RDH13: variants seen among roughly 807,000 people sequenced by gnomAD.
RDH13 encodes retinol dehydrogenase 13 (all-trans and 9-cis).
A neutral mutation model predicts 28.3 loss-of-function variants in RDH13; 35 were observed. That is an observed-to-expected ratio of 1.24 (90% CI 0.95 to 1.64). RDH13 has a LOEUF of 1.64. RDH13 is among the 40% of genes most tolerant of loss of function. The pLI, the probability that RDH13 is intolerant of heterozygous loss-of-function variation, is 0.00. For missense variants in RDH13, 514 were observed against 446.3 expected (o/e 1.15, Z -1.37); for synonymous variants, 229 against 198.5 (o/e 1.15, Z -1.29).
At chr19:55,052,945 A>AGCCACCAC (rs143100180) in intron 3 of RDH13, among the ~76,000 whole-genome samples, 68,903 of 151,074 alleles carry the variant, frequency 0.46, 15,878 homozygotes, top group East Asian at 0.58. Context: ...TACAGGCGTG[A>AGCCACCAC]GCCTGCACGC....
intron 5 of RDH13, 101 bp from the exon 6 acceptor site, chr19:55,047,589 C>G (rs991881703): frequency 2.0e-6 from 3 of 1,475,624 alleles, no homozygotes; most frequent in Non-Finnish European, 9.0e-7. Flanking sequence ...CACCAGGCTG[C>G]TTCCTGCACT....
intron 3 of RDH13, among the ~76,000 whole-genome samples, chr19:55,052,063 C>CATT (rs2075458978): frequency 8.3e-6 from 1 of 120,734 alleles, no homozygotes; most frequent in African/African-American, 3.4e-5. Context: ...ACTGCCTCAA[C>CATT]TTTTTTTTTT....
At chr19:55,050,099 C>T (rs2075379009) in intron 3 of RDH13, among the ~76,000 whole-genome samples, 2 of 131,172 alleles carry the variant, frequency 1.5e-5, no homozygotes, top group African/African-American at 5.3e-5. Flanking sequence ...TGCAATTTCA[C>T]TGCCCCCAGC....
At chr19:55,065,435 G>C (rs556781488), upstream of RDH13, among the ~76,000 whole-genome samples, 10 of 151,354 alleles carry the variant, frequency 6.6e-5, no homozygotes, top group Non-Finnish European at 1.3e-4. Flanking sequence ...AATTGGTTCA[G>C]ATGTTCATTT....
At chr19:55,050,192 C>A (rs1403206184) in intron 3 of RDH13, among the ~76,000 whole-genome samples, 2 of 151,650 alleles carry the variant, frequency 1.3e-5, no homozygotes, top group African/African-American at 4.9e-5. Context: ...TCTTGGCTCA[C>A]TGCAACCTCT....
intron 1 of RDH13, among the ~76,000 whole-genome samples, chr19:55,060,572 G>A (rs942435888): frequency 6.6e-6 from 1 of 152,192 alleles, no homozygotes; most frequent in African/African-American, 2.4e-5. Flanking sequence ...TATGCTGAGC[G>A]CCGGTCCCCT....
At chr19:55,064,477 A>G (rs1233749197), upstream of RDH13, 1 of 152,066 alleles carries the variant, frequency 6.6e-6, no homozygotes, top group Non-Finnish European at 1.5e-5. Flanking sequence ...AACGTATTAA[A>G]CCAGTTACAC....
downstream of RDH13, among the ~76,000 whole-genome samples, chr19:55,043,559 T>G (rs1227166065): frequency 6.6e-6 from 1 of 151,658 alleles, no homozygotes; most frequent in East Asian, 1.9e-4. Context: ...TCCCAGCTAC[T>G]CGGGAGGCTG....
intron 1 of RDH13, among the ~76,000 whole-genome samples, chr19:55,062,705 T>C (rs370317831): frequency 2.0e-5 from 3 of 151,910 alleles, no homozygotes; most frequent in African/African-American, 7.3e-5. Context: ...AAATAAATAA[T>C]ACAAAACAAC....
intron 3 of RDH13, among the ~76,000 whole-genome samples, chr19:55,051,906 A>T (rs1219492085): frequency 6.6e-6 from 1 of 151,322 alleles, no homozygotes; most frequent in Non-Finnish European, 1.5e-5. Context: ...TACTTTTAAA[A>T]TTTTTTGTAG....
Position 55,044,996 on chromosome 19 carries a change from G to A in RDH13, c.*78C>T, listed in dbSNP as rs1211522722. 2 of 1,118,162 alleles carry A rather than the reference G, an allele frequency of 1.8e-6. No individual in the cohort carries two copies. Among genetic ancestry groups the A allele is most frequent in the Non-Finnish European group, 2.6e-6 (2 of 776,252 alleles). 69.3% of individuals were successfully genotyped at this position (1,118,162 alleles called of 1,614,324 possible). ...TCCTGGGTCTCCCGGCTCAGGTAGT[G>A]CCAGGAAGCTGCGGGCATGGCGGAC... On this transcript the variant is annotated 3_prime_UTR_variant, in exon 7 of 7. Coordinates refer to ENST00000415061, the MANE Select transcript of RDH13 (RefSeq NM_001145971.2).
intron 1 of RDH13, 52 bp from the exon 2 acceptor site, chr19:55,059,327 G>A (rs574362838): frequency 7.2e-6 from 9 of 1,243,602 alleles, no homozygotes; most frequent in Non-Finnish European, 1.0e-5. Context: ...CTCACCCCAC[G>A]TGCCCCTGAC....
In RDH13 at chr19:55,048,058, A is replaced by G. The variant is rs1478770365; in HGVS notation, c.658+271T>C. On this transcript the variant is annotated intron_variant, in intron 5 of 6. Coordinates refer to ENST00000415061, the MANE Select transcript of RDH13 (RefSeq NM_001145971.2). Reference sequence around the variant, plus strand: ...GGTTGAGACTCACTGGCTGGAGCCAAAAGGCTGAGCTGCCTGCCCAACAGC... The same window carrying G: ...GGTTGAGACTCACTGGCTGGAGCCAGAAGGCTGAGCTGCCTGCCCAACAGC... 2.7e-6 allele frequency: 4 copies of G among 1,474,344 alleles called. No homozygotes were observed. The African/African-American group carries it at 4.2e-5, about 15-fold the overall frequency. 91.3% of individuals were successfully genotyped at this position (1,474,344 alleles called of 1,614,324 possible).
chr19:55,059,107 G>C, intron 2 of RDH13, 50 bp downstream of exon 2: 1 of 1,207,984 alleles, frequency 8.3e-7, no homozygotes, highest in Non-Finnish European at 1.2e-6. Flanking sequence ...GCTGCAGTGA[G>C]CATGGATGTA....
In RDH13 at chr19:55,048,492, G is replaced by C; in HGVS notation, c.495C>G (p.Ala165=). The change falls in exon 5 of 7, where the codon GCC becomes GCG. Residue 165 remains alanine (A), a synonymous_variant. Coordinates refer to ENST00000415061, the MANE Select transcript of RDH13 (RefSeq NM_001145971.2). ...NLLLDKLKAS[A]PSRIINLSSL... ...ACGAGAGGTTGATGATCCGCGAAGG[G>C]GCTGAGGCTTTCAGCTTGTCCAGCA... 6.2e-7 allele frequency: 1 copy of C among 1,614,208 alleles called. No homozygotes were observed. Among genetic ancestry groups the C allele is most frequent in the Non-Finnish European group, 8.5e-7 (1 of 1,180,046 alleles).
chr19:55,054,703 G>C (rs112026696), intron 3 of RDH13, among the ~76,000 whole-genome samples: 2,464 of 151,996 alleles, frequency 0.016, 78 homozygotes, highest in African/African-American at 0.056. Flanking sequence ...TGAGTAGCTG[G>C]GACTGTAGGC....
intron 3 of RDH13, among the ~76,000 whole-genome samples, chr19:55,050,241 C>T (rs1271403585): frequency 6.6e-6 from 1 of 151,914 alleles, no homozygotes; most frequent in African/African-American, 2.4e-5. Context: ...CTCAGCCTCC[C>T]AAGTAGCTGG....
At chr19:55,057,303 A>G (rs2075668747) in intron 2 of RDH13, among the ~76,000 whole-genome samples, 1 of 152,140 alleles carries the variant, frequency 6.6e-6, no homozygotes, top group South Asian at 2.1e-4. Context: ...CAGATGTTCT[A>G]AGATTGATTT....
downstream of RDH13, chr19:55,039,846 TAAAA>T (rs1015244894): frequency 6.6e-5 from 10 of 151,896 alleles, no homozygotes; most frequent in African/African-American, 2.4e-4. Context: ...CTCCAAAAAA[TAAAA>T]AATATTATAA....
Sources: gnomAD v4.1 joint callset for allele counts (sites outside exome capture counted in the v4.1 genomes callset) on GRCh38, gnomAD v4.1.1 for gene constraint, MANE v1.5 for transcripts, NCBI Gene and HGNC (gene_info 2026-07-23, HGNC 2026-07-21) for gene names.